The following SMAGP variants were observed in gnomAD, a reference collection of about 807,000 sequenced individuals.
The protein encoded by SMAGP is small cell transmembrane and glycosylated protein.
A neutral mutation model predicts 10.1 loss-of-function variants in SMAGP; 7 were observed. The observed-to-expected ratio is 0.70, with a 90% CI of 0.40 to 1.31. SMAGP has a LOEUF of 1.31. SMAGP is among the 50% of genes most tolerant of loss of function. The pLI is 0.01. For synonymous variants in SMAGP, 49 were observed against 47.2 expected, an observed-to-expected ratio of 1.04 and a Z score of -0.16; for missense variants, 113 against 116.5, an observed-to-expected ratio of 0.97 and a Z score of 0.14.
intron 2 of SMAGP, among the ~76,000 whole-genome samples, chr12:51,268,838 G>A (rs1042608687): frequency 6.6e-6 from 1 of 151,636 alleles, no homozygotes; most frequent in African/African-American, 2.4e-5. Flanking sequence ...CGCCCACCTC[G>A]ACCTCCCAAA....
At chr12:51,269,150 G>A in intron 2 of SMAGP, 95 bp downstream of exon 2, 3 of 1,368,258 alleles carry the variant, frequency 2.2e-6, no homozygotes, top group South Asian at 1.2e-5. Flanking sequence ...AGAGGTGGGA[G>A]TCTTCCCACC....
chr12:51,260,679 ATTTTTT>A (rs1162152346), intron 2 of SMAGP, among the ~76,000 whole-genome samples: 1 of 78,398 alleles, frequency 1.3e-5, no homozygotes, highest in African/African-American at 5.7e-5. Flanking sequence ...CGCCCGGCCA[ATTTTTT>A]TTTTTTTTTT....
chr12:51,246,645 AACTT>A (rs2137293222), intron 3 of SMAGP, 102 bp downstream of exon 3: 1 of 631,794 alleles, frequency 1.6e-6, no homozygotes, highest in Non-Finnish European at 2.4e-6. Context: ...TGTGTAATAT[AACTT>A]ACAAGCCAGA....
At chr12:51,247,406 TC>T (rs963901881) in intron 2 of SMAGP, among the ~76,000 whole-genome samples, 2 of 152,170 alleles carry the variant, frequency 1.3e-5, no homozygotes, top group African/African-American at 4.8e-5. Context: ...TTTCTACACT[TC>T]CAGGATAGGC....
At chr12:51,258,315 T>C (rs1001721787) in intron 2 of SMAGP, among the ~76,000 whole-genome samples, 1 of 152,108 alleles carries the variant, frequency 6.6e-6, no homozygotes. Context: ...GGCACAGTGG[T>C]GCATGCCTGT....
intron 2 of SMAGP, among the ~76,000 whole-genome samples, chr12:51,254,061 T>C (rs927682051): frequency 6.6e-6 from 1 of 151,942 alleles, no homozygotes; most frequent in African/African-American, 2.4e-5. Context: ...GAGTTTTAGT[T>C]TGGGAGGATG....
intron 2 of SMAGP, among the ~76,000 whole-genome samples, chr12:51,261,256 C>T (rs1944929656): frequency 6.6e-6 from 1 of 150,910 alleles, no homozygotes; most frequent in Non-Finnish European, 1.5e-5. Context: ...CCACTATGCC[C>T]AGCTAATTTT....
intron 2 of SMAGP, among the ~76,000 whole-genome samples, chr12:51,248,424 ACACACACACACTCTCT>A (rs1280298788): frequency 0.013 from 1,472 of 112,044 alleles, 30 homozygotes; most frequent in African/African-American, 0.047. Context: ...ACACACACAC[ACACACACACACTCTCT>A]CTCTCTCTCT....
At chr12:51,250,204 CAAA>C (rs11289025) in intron 2 of SMAGP, among the ~76,000 whole-genome samples, 17 of 98,924 alleles carry the variant, frequency 1.7e-4, no homozygotes, top group Non-Finnish European at 1.7e-4. Flanking sequence ...ACTCTGTCTA[CAAA>C]AAAAAAAAAA....
intron 2 of SMAGP, 65 bp from the exon 3 acceptor site, chr12:51,246,896 G>A: frequency 7.7e-7 from 1 of 1,305,020 alleles, no homozygotes; most frequent in East Asian, 2.8e-5. Context: ...GCATATGTTT[G>A]GCCTTCAAAT....
At chr12:51,257,535 G>A (rs890433260) in intron 2 of SMAGP, among the ~76,000 whole-genome samples, 2 of 150,898 alleles carry the variant, frequency 1.3e-5, no homozygotes, top group African/African-American at 4.9e-5. Context: ...GGGCAACATA[G>A]TGAGACCTTT....
chr12:51,263,330 C>T (rs1944945638), intron 2 of SMAGP, among the ~76,000 whole-genome samples: 1 of 151,698 alleles, frequency 6.6e-6, no homozygotes, highest in Non-Finnish European at 1.5e-5. Context: ...TTGCAGTTAG[C>T]CGAGATTGCA....
intron 2 of SMAGP, among the ~76,000 whole-genome samples, chr12:51,248,430 ACACACTCTCTCTCT>A (rs1215660494): frequency 0.013 from 1,162 of 91,340 alleles, 7 homozygotes; most frequent in Non-Finnish European, 0.014. Flanking sequence ...ACACACACAC[ACACACTCTCTCTCT>A]CTCTCTCTCT....
chr12:51,269,546 C>G (rs1945007385), intron 1 of SMAGP: 1 of 502,336 alleles, frequency 2.0e-6, no homozygotes, highest in African/African-American at 1.9e-5. Context: ...CCTTCATACG[C>G]TCTCTCCAGG....
At chr12:51,250,197 C>CT (rs1944822862) in intron 2 of SMAGP, among the ~76,000 whole-genome samples, 1 of 113,058 alleles carries the variant, frequency 8.8e-6, no homozygotes, top group African/African-American at 3.7e-5. Flanking sequence ...CAGTAAGACT[C>CT]TGTCTACAAA....
In SMAGP at chr12:51,248,560, G is replaced by A. The variant is rs554300767; in HGVS notation, c.35-1729C>T. ...TGTGGGTGTGTCACACCGCAGGAGC[G>A]GGCCTCAGGAAACAGCATCTCTCCA... On this transcript the variant is annotated intron_variant, in intron 2 of 3. Transcript: ENST00000603798. Among the ~76,000 whole-genome samples, 130 of 152,086 alleles carry A rather than the reference G, an allele frequency of 8.5e-4. 1 individual carries two copies. Among genetic ancestry groups the A allele is most frequent in the Non-Finnish European group, 1.4e-3 (93 of 67,984 alleles).
intron 2 of SMAGP, among the ~76,000 whole-genome samples, chr12:51,264,801 G>A (rs542741490): frequency 9.2e-5 from 14 of 151,700 alleles, no homozygotes; most frequent in East Asian, 5.8e-4. Context: ...GTGTGGCAGC[G>A]TGTGCCTGTA....
chr12:51,245,884 A>G lies in SMAGP; in HGVS notation c.*57T>C. 6.5e-7 allele frequency: 1 copy of G among 1,547,594 alleles called. No individual in the cohort carries two copies. Among genetic ancestry groups the G allele is most frequent in the Non-Finnish European group, 8.8e-7 (1 of 1,140,876 alleles). On this transcript the variant is annotated 3_prime_UTR_variant, in exon 4 of 4. Coordinates refer to ENST00000603798, the MANE Select transcript of SMAGP (RefSeq NM_001031628.2). ...CTTCAGAGAAAACTTTCCCATAATA[A>G]GCAGTCAACGTGTTAGCGATGGAGC...
chr12:51,254,843 G>A (rs1944872031), intron 2 of SMAGP, among the ~76,000 whole-genome samples: 1 of 152,148 alleles, frequency 6.6e-6, no homozygotes, highest in Non-Finnish European at 1.5e-5. Context: ...CCGGGGCCAG[G>A]CATGCTTGGC....
Sources: gnomAD v4.1 joint callset for allele counts (sites outside exome capture counted in the v4.1 genomes callset) on GRCh38, gnomAD v4.1.1 for gene constraint, MANE v1.5 for transcripts, NCBI Gene and HGNC (gene_info 2026-07-23, HGNC 2026-07-21) for gene names.